The following ANO4 variants were observed in gnomAD, a reference collection of about 807,000 sequenced individuals.
ANO4 encodes the protein anoctamin 4.
In ANO4, 69 loss-of-function variants were observed where a neutral mutation model predicts 141.9. That is an observed-to-expected ratio of 0.49 (90% CI 0.40 to 0.59). The LOEUF (loss-of-function observed/expected upper bound fraction) is 0.59, where lower values mean the gene tolerates loss of function less well. Ranked by LOEUF, ANO4 falls within the 20% of genes least tolerant of loss-of-function variation. The pLI is 0.00. For missense variants in ANO4, 894 were observed against 1,162.2 expected (o/e 0.77, Z 3.36); for synonymous variants, 350 against 394.3 (o/e 0.89, Z 1.33).
chr12:101,100,277 A>G (rs940757141), intron 22 of ANO4, among the ~76,000 whole-genome samples: 5 of 152,212 alleles, frequency 3.3e-5, no homozygotes, highest in African/African-American at 1.2e-4. Context: ...TCATTATTAA[A>G]TTGAATATGT....
intron 3 of ANO4, among the ~76,000 whole-genome samples, chr12:100,745,579 G>T (rs2032066326): frequency 6.6e-6 from 1 of 152,188 alleles, no homozygotes; most frequent in African/African-American, 2.4e-5. Context: ...AGGCCTGGAA[G>T]ATAGAGCTGA....
chr12:100,832,026 C>T (rs913176315), intron 1 of ANO4, among the ~76,000 whole-genome samples: 1 of 152,012 alleles, frequency 6.6e-6, no homozygotes, highest in African/African-American at 2.4e-5. Flanking sequence ...GTTAACAATC[C>T]TTAAATCTGT....
chr12:100,978,939 G>T (rs1413055049), intron 7 of ANO4, among the ~76,000 whole-genome samples: 1 of 152,204 alleles, frequency 6.6e-6, no homozygotes, highest in Non-Finnish European at 1.5e-5. Context: ...CAGCTGAAGA[G>T]AGTGGTAATG....
chr12:101,019,596 C>T (rs2046441857), intron 8 of ANO4, among the ~76,000 whole-genome samples: 1 of 152,136 alleles, frequency 6.6e-6, no homozygotes, highest in South Asian at 2.1e-4. Flanking sequence ...TTACCTAACT[C>T]CTATATCCAC....
At chr12:100,830,183 A>G (rs1324706341) in intron 1 of ANO4, among the ~76,000 whole-genome samples, 1 of 152,044 alleles carries the variant, frequency 6.6e-6, no homozygotes, top group African/African-American at 2.4e-5. Context: ...TCATTGCCAC[A>G]TTTCTGGCTG....
chr12:101,070,110 C>T (rs2048749488), intron 14 of ANO4, among the ~76,000 whole-genome samples: 2 of 152,024 alleles, frequency 1.3e-5, no homozygotes, highest in Non-Finnish European at 2.9e-5. Flanking sequence ...TCTACAGATT[C>T]AATGCAATCC....
intron 3 of ANO4, among the ~76,000 whole-genome samples, chr12:100,762,739 A>T (rs1001241656): frequency 6.6e-6 from 1 of 152,092 alleles, no homozygotes; most frequent in Non-Finnish European, 1.5e-5. Context: ...GAAAAACAAG[A>T]AGTTCTAATA....
At position 100,794,858 on chromosome 12, in the gene ANO4, G is replaced by A. The variant is rs894548021; in HGVS notation, c.-310G>A. The stretch of plus-strand genomic sequence containing the variant: ...CAGCACAAACAACTGCATACGGCCC[G>A]AGGGGAGGCTGAAAAGGACTTGTGT... On this transcript the variant is annotated 5_prime_UTR_variant, in exon 1 of 28. Transcript: ENST00000392977. The A allele has an allele frequency of 4.6e-5, 7 of 152,724 alleles. No individual in the cohort carries two copies. Among genetic ancestry groups the A allele is most frequent in the African/African-American group, 1.7e-4 (7 of 41,536 alleles). 9.5% of individuals were successfully genotyped at this position (152,724 alleles called of 1,614,324 possible).
At chr12:100,793,211 G>A (rs1407153707), upstream of ANO4, among the ~76,000 whole-genome samples, 2 of 152,330 alleles carry the variant, frequency 1.3e-5, no homozygotes, top group East Asian at 3.9e-4. Flanking sequence ...GCTGATTTGA[G>A]TTGAACTGAG....
chr12:101,043,275 A>T, intron 12 of ANO4, among the ~76,000 whole-genome samples: 1 of 152,218 alleles, frequency 6.6e-6, no homozygotes, highest in African/African-American at 2.4e-5. Flanking sequence ...ATAATTTGGG[A>T]TATAACAATC....
intron 26 of ANO4, among the ~76,000 whole-genome samples, chr12:101,122,306 T>C (rs1174649480): frequency 6.6e-6 from 1 of 152,210 alleles, no homozygotes; most frequent in Non-Finnish European, 1.5e-5. Context: ...ATTGGGTGCA[T>C]AGTTTGCAAA....
At position 101,020,141 on chromosome 12, in the gene ANO4, G is replaced by A. The variant is rs1255129682; in HGVS notation, c.841+1G>A. ...TATGAAGAAGGAAAAAACAAGATTG[G>A]TAAGTAGTATGTTAGTATAACAAAC... On this transcript the variant is annotated splice_donor_variant, in intron 9 of 27. Transcript: ENST00000392977. LOFTEE classifies it high-confidence loss of function. 6.3e-7 allele frequency: 1 copy of A among 1,584,984 alleles called. No individual in the cohort carries two copies. Among genetic ancestry groups the A allele is most frequent in the Admixed American group, 1.7e-5 (1 of 59,728 alleles).
intron 8 of ANO4, among the ~76,000 whole-genome samples, chr12:100,990,519 T>C (rs1213784897): frequency 6.6e-6 from 1 of 152,236 alleles, no homozygotes. Context: ...CCTTTTGACA[T>C]GCTTTGGTAT....
At chr12:101,004,120 G>A (rs2045769966) in intron 8 of ANO4, among the ~76,000 whole-genome samples, 2 of 129,348 alleles carry the variant, frequency 1.5e-5, no homozygotes, top group African/African-American at 3.2e-5. Context: ...CTGAAACCTG[G>A]CAGTTATTTT....
At chr12:100,725,159 C>A (rs2031052866) in intron 1 of ANO4, among the ~76,000 whole-genome samples, 1 of 151,952 alleles carries the variant, frequency 6.6e-6, no homozygotes, top group South Asian at 2.1e-4. Context: ...TTCATCTGTC[C>A]CTGTATATAA....
chr12:100,780,458 G>A lies in ANO4; in HGVS notation c.358+40353G>A, dbSNP rs575581434. On this transcript the variant is annotated intron_variant, in intron 3 of 29. Coordinates refer to the ANO4 transcript ENST00000644049. ...ACTTTTAATCATATGCTAATTAAGGGACAGGTTCTTCATGAACTTTCTGGT... is the reference window on the plus strand; with the variant it reads ...ACTTTTAATCATATGCTAATTAAGGAACAGGTTCTTCATGAACTTTCTGGT... 4.1e-4 allele frequency among the ~76,000 whole-genome samples: 62 copies of A among 152,310 alleles called. No homozygotes were observed. The South Asian group carries it at 5.2e-3, about 13-fold the overall frequency.
chr12:100,938,930 ATTAAAT>A (rs745884701), intron 3 of ANO4, among the ~76,000 whole-genome samples: 34 of 152,170 alleles, frequency 2.2e-4, no homozygotes, highest in Non-Finnish European at 4.0e-4. Flanking sequence ...AAATGAAAAA[ATTAAAT>A]TTAATTTAAA....
chr12:101,126,430 T>C (rs1469863769), intron 26 of ANO4, among the ~76,000 whole-genome samples: 2 of 152,332 alleles, frequency 1.3e-5, no homozygotes, highest in East Asian at 3.9e-4. Context: ...ATAACCAAGA[T>C]TTGTAAAGCA....
Position 101,043,535 on chromosome 12 carries a change from C to T in ANO4, c.1155-4C>T. Reference sequence around the variant, plus strand: ...AAAGCAGTCCTTTCTGTTCTCTTTTCCAGTAAAGAAGTCTGCCAAGCTACA... The same window carrying T: ...AAAGCAGTCCTTTCTGTTCTCTTTTTCAGTAAAGAAGTCTGCCAAGCTACA... On this transcript the variant is annotated splice_region_variant and splice_polypyrimidine_tract_variant and intron_variant, in intron 12 of 27. Coordinates refer to ENST00000392977, the MANE Select transcript of ANO4 (RefSeq NM_001286615.2). 1 of 1,608,650 alleles carries T rather than the reference C, an allele frequency of 6.2e-7. No homozygotes were observed. Among genetic ancestry groups the T allele is most frequent in the East Asian group, 2.2e-5 (1 of 44,836 alleles).
Sources: gnomAD v4.1 joint callset for allele counts (sites outside exome capture counted in the v4.1 genomes callset) on GRCh38, gnomAD v4.1.1 for gene constraint, MANE v1.5 for transcripts, NCBI Gene and HGNC (gene_info 2026-07-23, HGNC 2026-07-21) for gene names.